PRICKLE1: variants seen among roughly 807,000 people sequenced by gnomAD.
The protein encoded by PRICKLE1 is prickle planar cell polarity protein 1, also known as prickle-like protein 1.
A neutral mutation model predicts 70.2 loss-of-function variants in PRICKLE1; 14 were observed. The observed-to-expected ratio is 0.20, with a 90% CI of 0.13 to 0.31. PRICKLE1 has a LOEUF of 0.31. Ranked by LOEUF, PRICKLE1 falls within the 10% of genes least tolerant of loss-of-function variation. PRICKLE1 has a pLI of 1.00. For missense variants in PRICKLE1, 821 were observed against 1,026.2 expected (o/e 0.80, Z 2.73); for synonymous variants, 357 against 379.9 (o/e 0.94, Z 0.70).
intron 1 of PRICKLE1, among the ~76,000 whole-genome samples, chr12:42,509,710 A>G (rs927346851): frequency 6.6e-6 from 1 of 152,118 alleles, no homozygotes; most frequent in Admixed American, 6.5e-5. Flanking sequence ...ACCACTTACT[A>G]TATTTTTCTA....
intron 1 of PRICKLE1, among the ~76,000 whole-genome samples, chr12:42,546,924 C>A (rs1940225311): frequency 6.6e-6 from 1 of 152,156 alleles, no homozygotes; most frequent in South Asian, 2.1e-4. Flanking sequence ...TTCATTTCAA[C>A]TATTTTGCAA....
chr12:42,472,550 A>G lies in PRICKLE1; in HGVS notation c.-34T>C. On this transcript the variant is annotated 5_prime_UTR_variant, in exon 2 of 8. The change abolishes an upstream ATG in the 5' untranslated region. Transcript: ENST00000345127. The stretch of plus-strand genomic sequence containing the variant: ...AAGCCTGGTTTCTCAGTCACAGGAC[A>G]TCAAACAATGGCTGCTGTGAACAAT... 6.2e-7 allele frequency: 1 copy of G among 1,613,928 alleles called. No individual in the cohort carries two copies. The highest frequency in any genetic ancestry group is 1.1e-5 in the South Asian group (1 of 91,082).
At chr12:42,517,023 T>C (rs1939623293) in intron 1 of PRICKLE1, among the ~76,000 whole-genome samples, 1 of 152,206 alleles carries the variant, frequency 6.6e-6, no homozygotes, top group African/African-American at 2.4e-5. Context: ...TGTTCCACCC[T>C]TGACAAAGGA....
intron 1 of PRICKLE1, among the ~76,000 whole-genome samples, chr12:42,490,717 T>C (rs1160063247): frequency 6.6e-6 from 1 of 152,058 alleles, no homozygotes; most frequent in Non-Finnish European, 1.5e-5. Flanking sequence ...GACCCAGACA[T>C]TCCTAAATGA....
At chr12:42,572,188 C>A (rs1488935851) in intron 1 of PRICKLE1, among the ~76,000 whole-genome samples, 8 of 152,074 alleles carry the variant, frequency 5.3e-5, no homozygotes, top group African/African-American at 1.9e-4. Context: ...AATCCCAGCA[C>A]TTTGGGAGGC....
chr12:42,499,831 G>T (rs371751152), intron 1 of PRICKLE1, among the ~76,000 whole-genome samples: 7 of 152,108 alleles, frequency 4.6e-5, no homozygotes, highest in Non-Finnish European at 1.0e-4. Context: ...GGGTTCAAGC[G>T]ATTCTCCTGC....
chr12:42,500,160 G>A (rs770851381), intron 1 of PRICKLE1, among the ~76,000 whole-genome samples: 33 of 152,158 alleles, frequency 2.2e-4, no homozygotes, highest in Admixed American at 3.9e-4. Flanking sequence ...CTGGCCTTTC[G>A]GACCAAAGAG....
chr12:42,527,128 C>CTTTTTTT (rs386376309), intron 1 of PRICKLE1, among the ~76,000 whole-genome samples: 5 of 100,788 alleles, frequency 5.0e-5, no homozygotes, highest in Non-Finnish European at 5.5e-5. Context: ...TTTTTTTCCT[C>CTTTTTTT]TTTTTTTTTT....
At chr12:42,560,756 A>C (rs1451989735) in intron 1 of PRICKLE1, among the ~76,000 whole-genome samples, 1 of 148,324 alleles carries the variant, frequency 6.7e-6, no homozygotes, top group African/African-American at 2.5e-5. Context: ...GGCAGGTCAA[A>C]AGCCCATCTT....
intron 1 of PRICKLE1, among the ~76,000 whole-genome samples, chr12:42,530,870 C>T (rs1188296837): frequency 6.7e-6 from 1 of 149,348 alleles, no homozygotes; most frequent in African/African-American, 2.5e-5. Context: ...CCTGTTTCAC[C>T]ATGTTGGCCA....
chr12:42,582,122 T>C (rs1465864066), intron 1 of PRICKLE1, among the ~76,000 whole-genome samples: 1 of 152,206 alleles, frequency 6.6e-6, no homozygotes, highest in Non-Finnish European at 1.5e-5. Flanking sequence ...TTTTGGCTAT[T>C]AGCCTGCCAA....
intron 1 of PRICKLE1, among the ~76,000 whole-genome samples, chr12:42,498,423 C>T (rs1593139752): frequency 6.7e-6 from 1 of 149,516 alleles, no homozygotes; most frequent in East Asian, 2.0e-4. Flanking sequence ...ATCCTCCCAC[C>T]TTGGCCTCCC....
chr12:42,498,475 C>T (rs1156231380), intron 1 of PRICKLE1, among the ~76,000 whole-genome samples: 1 of 152,064 alleles, frequency 6.6e-6, no homozygotes, highest in Non-Finnish European at 1.5e-5. Flanking sequence ...TGCTTGGTCT[C>T]ATTTTCTTTT....
At chr12:42,514,690 A>G (rs994780632) in intron 1 of PRICKLE1, among the ~76,000 whole-genome samples, 1 of 152,110 alleles carries the variant, frequency 6.6e-6, no homozygotes, top group Non-Finnish European at 1.5e-5. Context: ...TTTCTTTTTT[A>G]AACCTAATTT....
intron 1 of PRICKLE1, among the ~76,000 whole-genome samples, chr12:42,489,476 A>G (rs925680266): frequency 1.3e-5 from 2 of 150,544 alleles, no homozygotes; most frequent in African/African-American, 4.9e-5. Context: ...CCTGGCCAAC[A>G]TGGTGAAACC....
chr12:42,518,268 T>C (rs938598688), intron 1 of PRICKLE1, among the ~76,000 whole-genome samples: 3 of 152,170 alleles, frequency 2.0e-5, no homozygotes, highest in African/African-American at 7.2e-5. Flanking sequence ...GGTCTTGAAC[T>C]CCTGGACTCA....
At chr12:42,513,441 A>G (rs1939551821) in intron 1 of PRICKLE1, among the ~76,000 whole-genome samples, 2 of 152,158 alleles carry the variant, frequency 1.3e-5, no homozygotes, top group Non-Finnish European at 2.9e-5. Flanking sequence ...AGTCCCAGCT[A>G]CTCAGGAGGC....
intron 1 of PRICKLE1, among the ~76,000 whole-genome samples, chr12:42,555,068 C>T (rs1045913759): frequency 7.9e-5 from 12 of 151,922 alleles, no homozygotes; most frequent in Admixed American, 2.6e-4. Flanking sequence ...TTTGGGAGGC[C>T]GAGGAGGGTG....
intron 1 of PRICKLE1, chr12:42,483,644 C>T (rs1022661619): frequency 1.3e-5 from 2 of 151,834 alleles, no homozygotes; most frequent in African/African-American, 4.8e-5. Flanking sequence ...GGGTCGCGTC[C>T]CGGTGCTGGC....
Sources: gnomAD v4.1 joint callset for allele counts (sites outside exome capture counted in the v4.1 genomes callset) on GRCh38, gnomAD v4.1.1 for gene constraint, MANE v1.5 for transcripts, NCBI Gene and HGNC (gene_info 2026-07-23, HGNC 2026-07-21) for gene names.